The following VEZT variants were observed in gnomAD, a reference collection of about 807,000 sequenced individuals.
VEZT encodes vezatin, adherens junctions transmembrane protein, also known as vezatin.
VEZT carries 39 observed loss-of-function variants against 79.9 expected under a neutral mutation model. The observed-to-expected ratio is 0.49, with a 90% confidence interval of 0.38 to 0.64. VEZT has a LOEUF of 0.64. Ranked by LOEUF, VEZT falls within the 30% of genes least tolerant of loss-of-function variation. The pLI is 0.00. For missense variants in VEZT, 837 were observed against 893.1 expected (o/e 0.94, Z 0.80); for synonymous variants, 325 against 327.6 (o/e 0.99, Z 0.09).
At chr12:95,257,539 T>G (rs2063657876) in intron 3 of VEZT, among the ~76,000 whole-genome samples, 2 of 152,214 alleles carry the variant, frequency 1.3e-5, no homozygotes, top group Admixed American at 6.5e-5. Context: ...TAAAGGAATA[T>G]GTCATTAGTG....
At chr12:95,221,054 T>C (rs2057503707) in intron 1 of VEZT, among the ~76,000 whole-genome samples, 1 of 152,246 alleles carries the variant, frequency 6.6e-6, no homozygotes, top group African/African-American at 2.4e-5. Context: ...TGGTATCTCC[T>C]TGTGGTTTTA....
At chr12:95,232,740 T>C (rs1332469689) in intron 1 of VEZT, among the ~76,000 whole-genome samples, 1 of 152,184 alleles carries the variant, frequency 6.6e-6, no homozygotes, top group Admixed American at 6.6e-5. Flanking sequence ...TAAAGGAATG[T>C]ATAATAGTTG....
chr12:95,245,900 T>A (rs10859858), intron 1 of VEZT, among the ~76,000 whole-genome samples: 1 of 151,970 alleles, frequency 6.6e-6, no homozygotes, highest in Non-Finnish European at 1.5e-5. Context: ...GATTGCTTGA[T>A]CTCCAGAGGT....
chr12:95,291,790 T>C lies in VEZT; in HGVS notation c.1523-2482T>C, dbSNP rs574664341. On this transcript the variant is annotated intron_variant, in intron 9 of 11. Transcript: ENST00000436874. ...TGGGTTTTTAAAATTTTTTTAGGCT[T>C]TTTGTGTTTGTTTGTTTTTGAGACA... Among the ~76,000 whole-genome samples, 32 of 152,226 alleles carry C rather than the reference T, an allele frequency of 2.1e-4. No homozygotes were observed. In the South Asian group the frequency reaches 6.6e-3, roughly 32 times the overall value.
At chr12:95,256,114 C>T (rs1374649189) in intron 2 of VEZT, among the ~76,000 whole-genome samples, 4 of 151,970 alleles carry the variant, frequency 2.6e-5, no homozygotes, top group Non-Finnish European at 1.5e-5. Context: ...TGCAATGGCG[C>T]GATCTCGGCT....
In VEZT at chr12:95,266,501, A is replaced by G. The variant is rs2065565266; in HGVS notation, c.579A>G (p.Leu193=). 6.2e-7 allele frequency: 1 copy of G among 1,613,946 alleles called. No individual in the cohort carries two copies. The highest frequency in any genetic ancestry group is 2.2e-5 in the East Asian group (1 of 44,860). ...RALRLWRTAK[L]QVTLKKYSVH... The stretch of plus-strand genomic sequence containing the variant: ...TGAGATTATGGAGGACAGCCAAACT[A>G]CAAGTGACCCTAAAAAAATACAGCG... Residue 193 remains leucine (L), a synonymous_variant, in exon 5 of 12, where the codon CTA becomes CTG. Coordinates refer to ENST00000436874, the MANE Select transcript of VEZT (RefSeq NM_017599.4).
chr12:95,270,183 G>GA lies in VEZT; in HGVS notation c.848+1dup, dbSNP rs1338429998. 1.3e-6 allele frequency: 2 copies of GA among 1,597,456 alleles called. No individual in the cohort carries two copies. Among genetic ancestry groups the GA allele is most frequent in the Admixed American group, 3.5e-5 (2 of 56,366 alleles). ...CAAGGCTAGCTACCCTATATATGCT[G>GA]AAAAAATATCCTTTTCTGTTTATAT... On this transcript the variant is annotated frameshift_variant, in exon 6 of 12. Coordinates refer to ENST00000436874, the MANE Select transcript of VEZT (RefSeq NM_017599.4). LOFTEE classifies it high-confidence loss of function.
At chr12:95,219,898 C>A (rs188370851) in intron 1 of VEZT, among the ~76,000 whole-genome samples, 105 of 152,124 alleles carry the variant, frequency 6.9e-4, no homozygotes, top group Non-Finnish European at 1.5e-4. Context: ...ATTTTTATTT[C>A]TTTGAACATT....
At chr12:95,268,900 A>C (rs1179529806) in intron 5 of VEZT, among the ~76,000 whole-genome samples, 1 of 152,222 alleles carries the variant, frequency 6.6e-6, no homozygotes, top group African/African-American at 2.4e-5. Context: ...TATTGAAATC[A>C]TGAATGCTGT....
chr12:95,286,142 G>A (rs2070777697), intron 8 of VEZT, among the ~76,000 whole-genome samples: 1 of 151,838 alleles, frequency 6.6e-6, no homozygotes, highest in African/African-American at 2.4e-5. Context: ...ACAGGCACCT[G>A]CCACCATGCC....
intron 5 of VEZT, among the ~76,000 whole-genome samples, chr12:95,268,836 TAGAC>T (rs531017672): frequency 6.6e-5 from 10 of 152,226 alleles, no homozygotes; most frequent in Admixed American, 4.6e-4. Flanking sequence ...TTTTCAAAAT[TAGAC>T]AGTTTTTAAA....
intron 1 of VEZT, among the ~76,000 whole-genome samples, chr12:95,235,644 A>C (rs2060000864): frequency 7.5e-6 from 1 of 133,064 alleles, no homozygotes. Flanking sequence ...CACCTCCCGG[A>C]TGGGGCGGCT....
intron 9 of VEZT, chr12:95,290,713 T>G (rs139986077): frequency 2.0e-5 from 3 of 152,312 alleles, no homozygotes; most frequent in African/African-American, 7.2e-5. Flanking sequence ...TGGCGGCACA[T>G]GTATTGAAAT....
intron 3 of VEZT, among the ~76,000 whole-genome samples, chr12:95,257,908 C>T (rs921659095): frequency 1.3e-5 from 2 of 152,128 alleles, no homozygotes; most frequent in Non-Finnish European, 2.9e-5. Context: ...ATCTAAACAA[C>T]ACTATAAGAT....
At chr12:95,246,509 A>G (rs1488314972) in intron 1 of VEZT, among the ~76,000 whole-genome samples, 1 of 152,054 alleles carries the variant, frequency 6.6e-6, no homozygotes, top group Non-Finnish European at 1.5e-5. Flanking sequence ...ACATTTTCTT[A>G]AAGAGCTTTC....
intron 6 of VEZT, among the ~76,000 whole-genome samples, chr12:95,273,809 A>C (rs1366405148): frequency 2.0e-5 from 3 of 152,218 alleles, no homozygotes; most frequent in Non-Finnish European, 4.4e-5. Flanking sequence ...AATATTTATA[A>C]ATTTAATATT....
chr12:95,252,727 G>C (rs534541828), intron 2 of VEZT, among the ~76,000 whole-genome samples: 1 of 152,220 alleles, frequency 6.6e-6, no homozygotes, highest in African/African-American at 2.4e-5. Flanking sequence ...CACTTTGGGA[G>C]GCCAAGGCGA....
At position 95,282,433 on chromosome 12, in the gene VEZT, A is replaced by C. The variant is rs771805165; in HGVS notation, c.1117A>C (p.Ile373Leu). The C allele has an allele frequency of 1.2e-5, 19 of 1,613,846 alleles. No individual in the cohort carries two copies. Among genetic ancestry groups the C allele is most frequent in the Non-Finnish European group, 1.4e-5 (17 of 1,179,872 alleles). Residue 373 changes from isoleucine to leucine, a missense_variant, in exon 8 of 12, where the codon ATC (isoleucine) becomes CTC (leucine). Physicochemically the swap from Ile to Leu is conservative, Grantham distance 5. Transcript: ENST00000436874. Reference sequence around the variant, plus strand: ...TACTCCAGCACTTCTGCCTCATCGTATCTTATCTGATGTGACTCAAGGTCT... The same window carrying C: ...TACTCCAGCACTTCTGCCTCATCGTCTCTTATCTGATGTGACTCAAGGTCT... Reference protein sequence around the residue: ...LLTPALLPHRILSDVTQGLPH... With the variant: ...LLTPALLPHRLLSDVTQGLPH...
intron 1 of VEZT, among the ~76,000 whole-genome samples, chr12:95,221,311 C>T (rs1012939311): frequency 1.3e-5 from 2 of 152,232 alleles, no homozygotes; most frequent in African/African-American, 4.8e-5. Flanking sequence ...CGCCTATAAT[C>T]CTAGCACTTT....
Sources: allele counts gnomAD v4.1 joint callset (sites outside exome capture counted in the v4.1 genomes callset), GRCh38; gene constraint gnomAD v4.1.1; transcripts MANE v1.5; gene names NCBI Gene and HGNC (gene_info 2026-07-23, HGNC 2026-07-21).